Variants in MTA2 observed in about 807,000 individuals in gnomAD.
MTA2 encodes the protein metastasis-associated protein MTA2.
A neutral mutation model predicts 87.1 loss-of-function variants in MTA2; 22 were observed. The ratio of observed to expected loss-of-function variants is 0.25; its 90% CI spans 0.18 to 0.36. The LOEUF (loss-of-function observed/expected upper bound fraction) is 0.36, where lower values mean the gene tolerates loss of function less well. Among genes scored for constraint, MTA2 ranks in the 10% least tolerant of loss-of-function variants. The pLI, the probability that MTA2 is intolerant of heterozygous loss-of-function variation, is 1.00. For missense variants in MTA2, 542 were observed against 853.2 expected (o/e 0.64, Z 4.54); for synonymous variants, 314 against 310.1 (o/e 1.01, Z -0.13).
At chr11:62,598,936 GGCCA>G (rs1357368448) in intron 3 of MTA2, among the ~76,000 whole-genome samples, 1 of 152,104 alleles carries the variant, frequency 6.6e-6, no homozygotes, top group African/African-American at 2.4e-5. Context: ...GTCCACAACG[GGCCA>G]GCAAGAACAT....
At chr11:62,597,852 C>A in intron 6 of MTA2, 140 bp from the exon 7 acceptor site, 1 of 1,019,718 alleles carries the variant, frequency 9.8e-7, no homozygotes, top group East Asian at 2.4e-5. Context: ...CAACTGTTCC[C>A]ATTTTCCCTT....
Position 62,596,832 on chromosome 11 carries a change from G to A in MTA2, c.694-7C>T. The A allele has an allele frequency of 6.3e-7, 1 of 1,590,830 alleles. No homozygotes were observed. Among genetic ancestry groups the A allele is most frequent in the Admixed American group, 1.8e-5 (1 of 55,912 alleles). ...AGGTATCCATGGCGTGAAACTATGG[G>A]GAAGATGGAGAGCAACTGAGGACCT... On this transcript the variant is annotated splice_region_variant and splice_polypyrimidine_tract_variant and intron_variant, in intron 8 of 17. Coordinates refer to ENST00000278823, the MANE Select transcript of MTA2 (RefSeq NM_004739.4).
rs1240258933 is a variant in MTA2, at chr11:62,596,746, G to A, written c.773C>T (p.Pro258Leu). ...AMSTLVPQGG[P>L]VLCRDEMEEW... ...CTCCATCTCATCCCGACACAGCACC[G>A]GGCCTCCCTGGGGTACCAGGGTCGA... is the stretch of plus-strand genomic sequence containing the variant. The change falls in exon 9 of 18, where the codon CCG becomes CTG. Residue 258 changes from proline (P) to leucine (L), a missense_variant. Pro to Leu is a moderately conservative substitution (Grantham distance 98, BLOSUM62 -3). Coordinates refer to ENST00000278823, the MANE Select transcript of MTA2 (RefSeq NM_004739.4). The A allele has an allele frequency of 3.7e-6, 6 of 1,613,984 alleles. No individual in the cohort carries two copies. Among genetic ancestry groups the A allele is most frequent in the Admixed American group, 1.7e-5 (1 of 59,996 alleles).
chr11:62,600,360 G>A, intron 2 of MTA2, 101 bp from the exon 3 acceptor site: 6 of 1,086,100 alleles, frequency 5.5e-6, no homozygotes, highest in African/African-American at 3.1e-5. Flanking sequence ...AAGTTTCAGA[G>A]GGACCTAAAT....
chr11:62,600,858 C>T (rs1307464843), intron 1 of MTA2, among the ~76,000 whole-genome samples, 169 bp from the exon 2 acceptor site: 1 of 152,088 alleles, frequency 6.6e-6, no homozygotes, highest in Non-Finnish European at 1.5e-5. Flanking sequence ...ATAAGGATGT[C>T]CCCCATCCCC....
In MTA2 at chr11:62,596,448, C is replaced by T. The variant is rs1194824588; in HGVS notation, c.957+10G>A. ...AGCCTATGGTCCACCCTCCCCAGCCCAGATAATACCTGCTGAATATACCGG... is the reference window on the plus strand; with the variant it reads ...AGCCTATGGTCCACCCTCCCCAGCCTAGATAATACCTGCTGAATATACCGG... On this transcript the variant is annotated intron_variant, in intron 10 of 17. Transcript: ENST00000278823. 2.5e-6 allele frequency: 4 copies of T among 1,613,832 alleles called. No homozygotes were observed. In the South Asian group the frequency reaches 4.4e-5, roughly 18 times the overall value.
In MTA2 at chr11:62,595,265, C is replaced by T. The variant is rs765854693; in HGVS notation, c.1482G>A (p.Glu494=). The part of the protein sequence containing the change: ...APINANAIKA[E]CSIRLPKAAK... ...AGTCCCACCACTCCCTGCCCTTACA[C>T]TCTGCTTTGATGGCATTGGCATTGA... is the stretch of plus-strand genomic sequence containing the variant. Residue 494 remains glutamate, a splice_region_variant and synonymous_variant, in exon 14 of 18, where the codon GAG becomes GAA. Transcript: ENST00000278823. The surrounding 1 kb of genome is among the most constrained non-coding windows in gnomAD (Gnocchi z 4.9). 53 of 1,613,994 alleles carry T rather than the reference C, an allele frequency of 3.3e-5. No homozygotes were observed. The Middle Eastern group carries it at 8.2e-4, about 25-fold the overall frequency.
rs372687305 is a variant in MTA2 at position 62,595,293 on chromosome 11, G to C, written c.1454C>G (p.Pro485Arg). ...PRRAARRPYA[P>R]INANAIKAEC... Reference sequence around the variant, plus strand: ...TGCTTTGATGGCATTGGCATTGATAGGAGCATAAGGCCGTCGGGCGGCCCT... The same window carrying C: ...TGCTTTGATGGCATTGGCATTGATACGAGCATAAGGCCGTCGGGCGGCCCT... The change falls in exon 14 of 18, where the codon CCT (proline) becomes CGT (arginine). Residue 485 changes from proline to arginine, a missense_variant. Physicochemically the swap from Pro to Arg is moderately radical, Grantham distance 103. This residue lies in a region of MTA2 where 269 missense variants were observed against 346.4 expected (regional missense o/e 0.78). Coordinates refer to ENST00000278823, the MANE Select transcript of MTA2 (RefSeq NM_004739.4). This position sits in a 1 kb window ranked among gnomAD's most constrained non-coding sequence, Gnocchi z 4.9. 6.2e-7 allele frequency: 1 copy of C among 1,614,198 alleles called. No individual in the cohort carries two copies. Among genetic ancestry groups the C allele is most frequent in the South Asian group, 1.1e-5 (1 of 91,082 alleles).
rs1942213371 is a variant in MTA2, at chr11:62,601,813, G to A, written c.-363C>T. The A allele has an allele frequency of 2.0e-6, 1 of 501,100 alleles. No individual in the cohort carries two copies. The highest frequency in any genetic ancestry group is 3.2e-5 in the South Asian group (1 of 31,104). The allele number at this position is 501,100 out of a possible 1,614,324, so 31.0% of individuals were successfully genotyped here. ...GGGAAGGCTTGCCGGGCCCGCCTCA[G>A]GGTTCGCCTCCTTCCGGAACACCTT... On this transcript the variant is annotated 5_prime_UTR_variant, in exon 1 of 18. Coordinates refer to ENST00000278823, the MANE Select transcript of MTA2 (RefSeq NM_004739.4).
intron 3 of MTA2, 52 bp from the exon 4 acceptor site, chr11:62,598,691 C>A: frequency 6.7e-7 from 1 of 1,493,946 alleles, no homozygotes. Context: ...CAGCAAAACA[C>A]CACCCTGGAA....
Position 62,601,580 on chromosome 11 carries a change from C to G in MTA2, c.-130G>C, listed in dbSNP as rs763489656. 7.2e-5 allele frequency: 77 copies of G among 1,071,846 alleles called. 1 individual carries two copies. The highest frequency in any genetic ancestry group is 1.0e-5 in the Non-Finnish European group (8 of 774,730). The allele number at this position is 1,071,846 out of a possible 1,614,324, so 66.4% of individuals were successfully genotyped here. On this transcript the variant is annotated 5_prime_UTR_variant, in exon 1 of 18. Coordinates refer to ENST00000278823, the MANE Select transcript of MTA2 (RefSeq NM_004739.4). The stretch of plus-strand genomic sequence containing the variant: ...GGGAGTCTCACTGGGGCCCGCGCAG[C>G]CGGCACCTCCGCTGCCTCAGCCGTC...
In MTA2 at chr11:62,595,616, T is replaced by G; in HGVS notation, c.1255-124A>C. On this transcript the variant is annotated intron_variant, in intron 13 of 17. Coordinates refer to ENST00000278823, the MANE Select transcript of MTA2 (RefSeq NM_004739.4). The surrounding 1 kb of genome is among the most constrained non-coding windows in gnomAD (Gnocchi z 4.9). ...CTCTTTACTGACCTCTTGGCCTATG[T>G]GTCTCCCCAACCAGCATCAAGCACC... 5 of 1,513,820 alleles carry G rather than the reference T, an allele frequency of 3.3e-6. No homozygotes were observed. Among genetic ancestry groups the G allele is most frequent in the Non-Finnish European group, 4.5e-6 (5 of 1,109,862 alleles). 93.8% of individuals were successfully genotyped at this position (1,513,820 alleles called of 1,614,324 possible).
Position 62,600,176 on chromosome 11 carries a change from A to C in MTA2, c.180T>G (p.Asp60Glu). The C allele has an allele frequency of 1.9e-6, 3 of 1,613,998 alleles. No individual in the cohort carries two copies. The highest frequency in any genetic ancestry group is 2.5e-6 in the Non-Finnish European group (3 of 1,179,852). ...GAGGAAGATACTCACTGGCATTACT[A>C]TCAGCCAGGCTGTTGAGGCTACTAG... ...DISSSLNSLA[D>E]SNAREFEEES... Residue 60 changes from aspartate to glutamate, a missense_variant, in exon 3 of 18, where the codon GAT becomes GAG. Physicochemically the swap from Asp to Glu is conservative, Grantham distance 45. Transcript: ENST00000278823.
Position 62,595,084 on chromosome 11 carries a change from A to G in MTA2, c.1484-14T>C, listed in dbSNP as rs1456871701. 4.3e-6 allele frequency: 7 copies of G among 1,613,140 alleles called. No individual in the cohort carries two copies. The Admixed American group carries it at 6.7e-5, about 15-fold the overall frequency. ...GTCGAATGGAGCCTGGAGAACAAAGAAGAAAGCTTCTGAAGGGCTTCACCA... is the reference window on the plus strand; with the variant it reads ...GTCGAATGGAGCCTGGAGAACAAAGGAGAAAGCTTCTGAAGGGCTTCACCA... On this transcript the variant is annotated splice_polypyrimidine_tract_variant and intron_variant, in intron 14 of 17. Coordinates refer to ENST00000278823, the MANE Select transcript of MTA2 (RefSeq NM_004739.4). The surrounding 1 kb of genome is among the most constrained non-coding windows in gnomAD (Gnocchi z 4.9).
At chr11:62,600,313 T>A in intron 2 of MTA2, 54 bp from the exon 3 acceptor site, 1 of 1,486,442 alleles carries the variant, frequency 6.7e-7, no homozygotes, top group Non-Finnish European at 9.4e-7. Flanking sequence ...AAATTGATCA[T>A]CTGGGAACAG....
At chr11:62,598,474 C>T (rs1590731761) in intron 4 of MTA2, 48 bp downstream of exon 4, 1 of 1,608,150 alleles carries the variant, frequency 6.2e-7, no homozygotes, top group Non-Finnish European at 8.5e-7. Context: ...TTCTCTCCAT[C>T]TTCTACGTAA....
chr11:62,600,335 G>T, intron 2 of MTA2, 76 bp from the exon 3 acceptor site: 1 of 1,319,912 alleles, frequency 7.6e-7, no homozygotes, highest in Non-Finnish European at 1.1e-6. Flanking sequence ...AATGCACAAA[G>T]AGACAAATAA....
chr11:62,593,313 AAAAGGC>A lies in MTA2; in HGVS notation c.*556_*561del, dbSNP rs1942048671. ...TCTTTATTTCTGAGAACTGGCGTAC[AAAAGGC>A]AGAGGGGGAGGGGAGGGAAGGAAAG... On this transcript the variant is annotated 3_prime_UTR_variant, in exon 18 of 18. Coordinates refer to ENST00000278823, the MANE Select transcript of MTA2 (RefSeq NM_004739.4). The A allele has an allele frequency of 6.6e-6, 1 of 152,306 alleles. No individual in the cohort carries two copies. The highest frequency in any genetic ancestry group is 6.6e-5 in the Admixed American group (1 of 15,244). 9.4% of individuals were successfully genotyped at this position (152,306 alleles called of 1,614,324 possible). A position where few individuals can be genotyped will look rare whatever the true frequency, so the allele number is the denominator to read the frequency against.
chr11:62,595,681 C>A lies in MTA2; in HGVS notation c.1254+71G>T. The stretch of plus-strand genomic sequence containing the variant: ...ATCACCATATAAAGAGTTGAATATT[C>A]TGGCCTTCACCTAAGCTCACCATCA... On this transcript the variant is annotated intron_variant, in intron 13 of 17. Transcript: ENST00000278823. This position sits in a 1 kb window ranked among gnomAD's most constrained non-coding sequence, Gnocchi z 4.9. 1 of 1,586,780 alleles carries A rather than the reference C, an allele frequency of 6.3e-7. No individual in the cohort carries two copies.
Sources: allele counts gnomAD v4.1 joint callset (sites outside exome capture counted in the v4.1 genomes callset), GRCh38; gene constraint gnomAD v4.1.1; regional missense constraint gnomAD v4.1.1; non-coding constraint Gnocchi (gnomAD v3.1); transcripts MANE v1.5; gene names NCBI Gene and HGNC (gene_info 2026-07-23, HGNC 2026-07-21).